NEO1: variants seen among roughly 807,000 people sequenced by gnomAD.
NEO1 encodes neogenin 1.
NEO1 carries 63 observed loss-of-function variants against 159.7 expected under a neutral mutation model. The ratio of observed to expected loss-of-function variants is 0.39; its 90% CI spans 0.32 to 0.49. NEO1 has a LOEUF of 0.49. NEO1 is among the 20% of genes least tolerant of loss of function. The pLI is 0.85. For missense variants in NEO1, 1,615 were observed against 1,831.0 expected (o/e 0.88, Z 2.15); for synonymous variants, 633 against 662.0 (o/e 0.96, Z 0.67).
At chr15:73,238,823 T>G (rs1334321851) in intron 8 of NEO1, among the ~76,000 whole-genome samples, 3 of 150,714 alleles carry the variant, frequency 2.0e-5, no homozygotes, top group East Asian at 3.9e-4. Flanking sequence ...ATGATGGGGG[T>G]TTTTTTGTTT....
At chr15:73,085,237 G>A (rs1210525434) in intron 1 of NEO1, among the ~76,000 whole-genome samples, 1 of 151,984 alleles carries the variant, frequency 6.6e-6, no homozygotes, top group African/African-American at 2.4e-5. Flanking sequence ...TTTGGGGCTG[G>A]CTTCTTTCAC....
intron 4 of NEO1, among the ~76,000 whole-genome samples, chr15:73,126,782 C>T (rs925260888): frequency 6.6e-6 from 1 of 152,132 alleles, no homozygotes; most frequent in African/African-American, 2.4e-5. Flanking sequence ...GATAATTATT[C>T]CCTTTGTTCC....
At chr15:73,098,947 G>A (rs2070244598) in intron 1 of NEO1, among the ~76,000 whole-genome samples, 1 of 152,158 alleles carries the variant, frequency 6.6e-6, no homozygotes, top group African/African-American at 2.4e-5. Flanking sequence ...GTGAGCAATT[G>A]TATCTCACTG....
chr15:73,122,982 C>A (rs1567245591), intron 3 of NEO1, among the ~76,000 whole-genome samples, 182 bp downstream of exon 3: 1 of 152,048 alleles, frequency 6.6e-6, no homozygotes, highest in Non-Finnish European at 1.5e-5. Context: ...CATGGCGAAA[C>A]CCCATCTCTA....
At chr15:73,219,082 A>G (rs1454455409) in intron 7 of NEO1, among the ~76,000 whole-genome samples, 1 of 148,730 alleles carries the variant, frequency 6.7e-6, no homozygotes, top group Non-Finnish European at 1.5e-5. Context: ...TTCCCTCTAC[A>G]CACTGCTTTG....
intron 5 of NEO1, among the ~76,000 whole-genome samples, chr15:73,165,014 G>A (rs8028767): frequency 0.038 from 5,775 of 151,894 alleles, 379 homozygotes; most frequent in African/African-American, 0.13. Flanking sequence ...CAGCAGCTTC[G>A]AACTCCTGGG....
chr15:73,296,782 C>T (rs112267869), intron 26 of NEO1, among the ~76,000 whole-genome samples: 41 of 152,098 alleles, frequency 2.7e-4, no homozygotes, highest in Admixed American at 9.8e-4. Context: ...AGGTAGTGTA[C>T]GCAGTCTGGA....
chr15:73,157,731 A>G lies in NEO1; in HGVS notation c.1016-18672A>G, dbSNP rs185490019. Among the ~76,000 whole-genome samples, 113 of 152,300 alleles carry G rather than the reference A, an allele frequency of 7.4e-4. 1 individual carries two copies. In the Middle Eastern group the frequency reaches 0.01, roughly 14 times the overall value. On this transcript the variant is annotated intron_variant, in intron 5 of 28. Transcript: ENST00000261908. The stretch of plus-strand genomic sequence containing the variant: ...TCTACACACAATTTTTGTTCTTCTA[A>G]GTGGATGAGATATGCTGGAAATGCT...
rs140892920 is a variant in NEO1, at chr15:73,184,823, G to A, written c.1291+6396G>A. The stretch of plus-strand genomic sequence containing the variant: ...CATGCCTGTAATCCCAGCTACTCAG[G>A]AGGATGAAGCATGTGAATCACTTGA... On this transcript the variant is annotated intron_variant, in intron 7 of 28. Coordinates refer to ENST00000261908, the MANE Select transcript of NEO1 (RefSeq NM_002499.4). Among the ~76,000 whole-genome samples, 275 of 152,252 alleles carry A rather than the reference G, an allele frequency of 1.8e-3. 1 individual carries two copies. Among genetic ancestry groups the A allele is most frequent in the African/African-American group, 6.4e-3 (268 of 41,552 alleles).
intron 15 of NEO1, among the ~76,000 whole-genome samples, chr15:73,261,833 A>G (rs904445416): frequency 3.9e-5 from 6 of 152,108 alleles, no homozygotes; most frequent in Middle Eastern, 3.2e-3. Flanking sequence ...AGAATAGACA[A>G]TTTTTTTAAA....
At chr15:73,181,038 C>T (rs2151968409) in intron 7 of NEO1, among the ~76,000 whole-genome samples, 1 of 152,262 alleles carries the variant, frequency 6.6e-6, no homozygotes, top group African/African-American at 2.4e-5. Context: ...AATAAAGCAG[C>T]ATACAGTTCA....
chr15:73,177,188 T>C (rs934647024), intron 6 of NEO1, among the ~76,000 whole-genome samples: 3 of 152,150 alleles, frequency 2.0e-5, no homozygotes, highest in African/African-American at 4.8e-5. Flanking sequence ...ATATAGTAAA[T>C]GATTCTTAGA....
intron 7 of NEO1, among the ~76,000 whole-genome samples, chr15:73,225,426 G>T (rs1235119443): frequency 6.6e-6 from 1 of 152,098 alleles, no homozygotes; most frequent in African/African-American, 2.4e-5. Context: ...CATCAGGAGG[G>T]GGCGGGGCTA....
In NEO1 at chr15:73,116,764, C is replaced by G. The variant is rs772531082; in HGVS notation, c.355C>G (p.His119Asp). Residue 119 changes from histidine to aspartate, a missense_variant, in exon 2 of 29, where the codon CAC (histidine) becomes GAC (aspartate). Coordinates refer to ENST00000261908, the MANE Select transcript of NEO1 (RefSeq NM_002499.4). ...TATCAGCAATGTGGTGCATTCCAAA[C>G]ACAATAAACCTGATGAAGGTTATTA... is the stretch of plus-strand genomic sequence containing the variant. ...LFISNVVHSK[H>D]NKPDEGYYQC... 3 of 1,613,792 alleles carry G rather than the reference C, an allele frequency of 1.9e-6. No homozygotes were observed. The African/African-American group carries it at 4.0e-5, about 22-fold the overall frequency.
At position 73,197,891 on chromosome 15, in the gene NEO1, G is replaced by C. The variant is rs1227454672; in HGVS notation, c.1291+19464G>C. ...ACACAGGGTTTTACAATGTTGGTCA[G>C]GCTGGTCTCGAACTCCTGACCTCAA... is the stretch of plus-strand genomic sequence containing the variant. On this transcript the variant is annotated intron_variant, in intron 7 of 28. Coordinates refer to ENST00000261908, the MANE Select transcript of NEO1 (RefSeq NM_002499.4). Among the ~76,000 whole-genome samples the C allele has an allele frequency of 2.0e-5, 3 of 152,016 alleles. No individual in the cohort carries two copies. The East Asian group carries it at 5.8e-4, about 29-fold the overall frequency.
intron 5 of NEO1, among the ~76,000 whole-genome samples, chr15:73,137,327 CAAG>C (rs2031873560): frequency 1.3e-5 from 2 of 151,810 alleles, no homozygotes; most frequent in Non-Finnish European, 1.5e-5. Flanking sequence ...GATGCAAAAA[CAAG>C]AAAATATAAA....
intron 1 of NEO1, among the ~76,000 whole-genome samples, chr15:73,109,151 T>C (rs2070839159): frequency 6.6e-6 from 1 of 152,228 alleles, no homozygotes; most frequent in Admixed American, 6.5e-5. Flanking sequence ...TATTATTTTA[T>C]ACATAACAAT....
intron 5 of NEO1, among the ~76,000 whole-genome samples, chr15:73,149,990 A>G (rs2033244235): frequency 1.3e-5 from 2 of 152,156 alleles, no homozygotes; most frequent in Non-Finnish European, 2.9e-5. Flanking sequence ...CCCATTTACC[A>G]ACCTTCTTCA....
At chr15:73,115,258 G>C (rs1447607148) in intron 1 of NEO1, among the ~76,000 whole-genome samples, 1 of 152,140 alleles carries the variant, frequency 6.6e-6, no homozygotes, top group Non-Finnish European at 1.5e-5. Flanking sequence ...GGCCAGGCTG[G>C]TCTCGAACTG....
Sources: gnomAD v4.1 joint callset for allele counts (sites outside exome capture counted in the v4.1 genomes callset) on GRCh38, gnomAD v4.1.1 for gene constraint, MANE v1.5 for transcripts, NCBI Gene and HGNC (gene_info 2026-07-23, HGNC 2026-07-21) for gene names.